MTUS2: variants seen among roughly 807,000 people sequenced by gnomAD.
The protein encoded by MTUS2 is microtubule-associated tumor suppressor candidate 2.
A neutral mutation model predicts 114.1 loss-of-function variants in MTUS2; 40 were observed. The observed-to-expected ratio is 0.35, with a 90% CI of 0.27 to 0.46. The LOEUF (loss-of-function observed/expected upper bound fraction) is 0.46. Among genes scored for constraint, MTUS2 ranks in the 20% least tolerant of loss-of-function variants. The probability of loss-of-function intolerance (pLI) is 1.00; values close to 1 mark genes in which losing one functional copy is unlikely to be tolerated. For missense variants in MTUS2, 1,679 were observed against 1,705.4 expected, an observed-to-expected ratio of 0.98 and a Z score of 0.27; for synonymous variants, 688 against 672.0, an observed-to-expected ratio of 1.02 and a Z score of -0.37.
chr13:29,232,279 C>CAT (rs1266245180), intron 5 of MTUS2, among the ~76,000 whole-genome samples: 1 of 42,948 alleles, frequency 2.3e-5, no homozygotes, highest in African/African-American at 1.2e-4. Flanking sequence ...TACATACATA[C>CAT]ACACACACAC....
chr13:28,885,619 C>T (rs934928505), intron 2 of MTUS2, among the ~76,000 whole-genome samples: 1 of 152,136 alleles, frequency 6.6e-6, no homozygotes, highest in Non-Finnish European at 1.5e-5. Flanking sequence ...CTTTGTTGAT[C>T]TTTAGCTCTG....
chr13:29,354,224 C>G (rs1487398733), intron 7 of MTUS2, among the ~76,000 whole-genome samples: 1 of 141,706 alleles, frequency 7.1e-6, no homozygotes, highest in Non-Finnish European at 1.5e-5. Context: ...AAACCATTGT[C>G]TTGTATATTT....
chr13:29,471,902 C>T (rs1880343926), intron 9 of MTUS2, among the ~76,000 whole-genome samples: 1 of 152,166 alleles, frequency 6.6e-6, no homozygotes, highest in African/African-American at 2.4e-5. Context: ...TCGCAGATGC[C>T]ACCTGTGATT....
At chr13:29,081,829 A>G (rs1889457413) in intron 4 of MTUS2, among the ~76,000 whole-genome samples, 1 of 152,050 alleles carries the variant, frequency 6.6e-6, no homozygotes, top group Admixed American at 6.6e-5. Flanking sequence ...GCAACCTTGA[A>G]CGAGAAATTG....
chr13:29,173,535 C>A, intron 5 of MTUS2, among the ~76,000 whole-genome samples: 1 of 152,132 alleles, frequency 6.6e-6, no homozygotes, highest in Non-Finnish European at 1.5e-5. Flanking sequence ...TTTCGTATGT[C>A]AGTGGAAGGG....
chr13:29,209,548 G>A (rs1895337244), intron 5 of MTUS2, among the ~76,000 whole-genome samples: 1 of 151,618 alleles, frequency 6.6e-6, no homozygotes, highest in Non-Finnish European at 1.5e-5. Flanking sequence ...ATGCTTTAAG[G>A]GGGTTCTATT....
chr13:29,330,077 G>A (rs996784775), intron 7 of MTUS2, among the ~76,000 whole-genome samples: 19 of 152,094 alleles, frequency 1.2e-4, no homozygotes, highest in Non-Finnish European at 8.8e-5. Context: ...GTATAAAAGC[G>A]TTCCTATTTC....
intron 2 of MTUS2, among the ~76,000 whole-genome samples, chr13:28,868,506 G>A (rs1027056691): frequency 6.6e-6 from 1 of 152,130 alleles, no homozygotes; most frequent in Admixed American, 6.5e-5. Context: ...TCCTCTCGAC[G>A]GACTTTCATC....
At chr13:29,069,610 T>C (rs1339921437) in intron 4 of MTUS2, among the ~76,000 whole-genome samples, 2 of 152,142 alleles carry the variant, frequency 1.3e-5, no homozygotes, top group Non-Finnish European at 2.9e-5. Flanking sequence ...AAATTAACTA[T>C]GACACCTCCT....
chr13:29,192,893 G>A (rs1894505960), intron 5 of MTUS2, among the ~76,000 whole-genome samples: 1 of 152,080 alleles, frequency 6.6e-6, no homozygotes, highest in African/African-American at 2.4e-5. Flanking sequence ...GTTAATTTAG[G>A]TCCAGAATGG....
At chr13:28,985,440 TTATAATAAC>T (rs1884536098) in intron 2 of MTUS2, among the ~76,000 whole-genome samples, 1 of 152,238 alleles carries the variant, frequency 6.6e-6, no homozygotes. Flanking sequence ...TGGTATATTG[TTATAATAAC>T]TGGGGATGTT....
chr13:29,232,696 A>G (rs927984723), intron 5 of MTUS2, among the ~76,000 whole-genome samples: 2 of 152,152 alleles, frequency 1.3e-5, no homozygotes, highest in African/African-American at 2.4e-5. Context: ...AGATTTGACT[A>G]TGTGGAGAGA....
chr13:29,071,968 A>G (rs935061700), intron 4 of MTUS2: 2 of 152,282 alleles, frequency 1.3e-5, no homozygotes, highest in African/African-American at 4.8e-5. Context: ...TTCCTGCCTC[A>G]TTTCTCAGCC....
intron 2 of MTUS2, among the ~76,000 whole-genome samples, chr13:28,934,473 C>A (rs757482300): frequency 6.3e-4 from 96 of 151,998 alleles, no homozygotes; most frequent in Admixed American, 1.2e-3. Context: ...ATTTTTTTAC[C>A]TCGGAGAAGT....
intron 9 of MTUS2, among the ~76,000 whole-genome samples, chr13:29,471,926 C>G (rs1429651261): frequency 6.6e-6 from 1 of 152,210 alleles, no homozygotes; most frequent in Non-Finnish European, 1.5e-5. Flanking sequence ...ACAGCGCCAG[C>G]TCCCTTTTGG....
intron 4 of MTUS2, among the ~76,000 whole-genome samples, chr13:29,091,788 T>G (rs1889963951): frequency 6.6e-6 from 1 of 152,182 alleles, no homozygotes; most frequent in Non-Finnish European, 1.5e-5. Context: ...CATTGAATCT[T>G]CCAATTTAGT....
intron 8 of MTUS2, among the ~76,000 whole-genome samples, chr13:29,394,706 G>A (rs1873769196): frequency 6.6e-6 from 1 of 152,204 alleles, no homozygotes; most frequent in South Asian, 2.1e-4. Flanking sequence ...TAGGAACCAG[G>A]CTAACAGCGG....
intron 6 of MTUS2, among the ~76,000 whole-genome samples, chr13:29,316,801 G>T (rs961550592): frequency 6.6e-6 from 1 of 152,192 alleles, no homozygotes; most frequent in Non-Finnish European, 1.5e-5. Context: ...TTGGACAGGT[G>T]TCAGGTGAGG....
intron 6 of MTUS2, among the ~76,000 whole-genome samples, chr13:29,291,671 G>T (rs4769709): frequency 6.6e-6 from 1 of 151,892 alleles, no homozygotes; most frequent in Non-Finnish European, 1.5e-5. Flanking sequence ...GGGCTCGCTC[G>T]TTTAGAATAT....
Sources: allele counts gnomAD v4.1 joint callset (sites outside exome capture counted in the v4.1 genomes callset), GRCh38; gene constraint gnomAD v4.1.1; transcripts MANE v1.5; gene names NCBI Gene and HGNC (gene_info 2026-07-23, HGNC 2026-07-21).